The following PIK3AP1 variants were observed in gnomAD, a reference collection of about 807,000 sequenced individuals.
PIK3AP1 encodes phosphoinositide-3-kinase adaptor protein 1.
Under a neutral mutation model 88.1 loss-of-function variants are expected in PIK3AP1, and 21 were observed. The ratio of observed to expected loss-of-function variants is 0.24; its 90% CI spans 0.17 to 0.34. PIK3AP1 has a LOEUF of 0.34. Ranked by LOEUF, PIK3AP1 falls within the 10% of genes least tolerant of loss-of-function variation. The pLI is 1.00. For synonymous variants in PIK3AP1, 398 were observed against 400.0 expected, an observed-to-expected ratio of 1.00 and a Z score of 0.06; for missense variants, 828 against 1,035.7, an observed-to-expected ratio of 0.80 and a Z score of 2.75.
intron 8 of PIK3AP1, among the ~76,000 whole-genome samples, chr10:96,640,548 C>T (rs527954482): frequency 1.6e-4 from 24 of 152,314 alleles, no homozygotes; most frequent in African/African-American, 4.8e-4. Flanking sequence ...AAAACACCCA[C>T]GGACATTTGC....
At chr10:96,632,246 AG>A (rs1843254173) in intron 8 of PIK3AP1, among the ~76,000 whole-genome samples, 1 of 152,224 alleles carries the variant, frequency 6.6e-6, no homozygotes, top group African/African-American at 2.4e-5. Context: ...AATTTGAACA[AG>A]GTCTATAATT....
At chr10:96,612,845 A>G (rs1412282557) in intron 13 of PIK3AP1, among the ~76,000 whole-genome samples, 8 of 150,310 alleles carry the variant, frequency 5.3e-5, no homozygotes, top group Non-Finnish European at 8.8e-5. Context: ...CACACCAGCT[A>G]TTTGCTCTCA....
intron 2 of PIK3AP1, among the ~76,000 whole-genome samples, chr10:96,705,766 A>G (rs1171198417): frequency 1.3e-5 from 2 of 150,904 alleles, no homozygotes; most frequent in Non-Finnish European, 3.0e-5. Context: ...TATTTTTTGT[A>G]GAGACAGGGT....
intron 4 of PIK3AP1, among the ~76,000 whole-genome samples, 191 bp from the exon 5 acceptor site, chr10:96,651,842 G>A (rs552923502): frequency 6.6e-6 from 1 of 152,150 alleles, no homozygotes; most frequent in South Asian, 2.1e-4. Flanking sequence ...CCAGCACATG[G>A]CAGGGCTCTG....
chr10:96,659,625 G>A (rs896918025), intron 2 of PIK3AP1, among the ~76,000 whole-genome samples: 2 of 151,848 alleles, frequency 1.3e-5, no homozygotes, highest in Non-Finnish European at 2.9e-5. Context: ...CACTTTGGGA[G>A]GCTGAGGTGG....
At chr10:96,618,374 G>A (rs1330596222) in intron 12 of PIK3AP1, among the ~76,000 whole-genome samples, 3 of 152,212 alleles carry the variant, frequency 2.0e-5, no homozygotes, top group Non-Finnish European at 4.4e-5. Context: ...GGTACATACA[G>A]GATGATGGTA....
intron 12 of PIK3AP1, among the ~76,000 whole-genome samples, chr10:96,618,156 G>A (rs901911322): frequency 6.6e-6 from 1 of 152,142 alleles, no homozygotes; most frequent in Non-Finnish European, 1.5e-5. Flanking sequence ...ATATAAACCC[G>A]TCGTCTGCTA....
chr10:96,650,177 A>G (rs1475532498), intron 6 of PIK3AP1, among the ~76,000 whole-genome samples: 1 of 152,220 alleles, frequency 6.6e-6, no homozygotes, highest in Admixed American at 6.5e-5. Context: ...AACATTCCAT[A>G]GTAGGAAAAT....
chr10:96,636,252 A>AT (rs1843311230), intron 8 of PIK3AP1, among the ~76,000 whole-genome samples: 1 of 151,884 alleles, frequency 6.6e-6, no homozygotes, highest in African/African-American at 2.4e-5. Context: ...TAATACAAAA[A>AT]TTAAAAAAAA....
rs779318466 is a variant in PIK3AP1 at position 96,613,615 on chromosome 10, A to G, written c.2014+3024T>C. 9.2e-5 allele frequency among the ~76,000 whole-genome samples: 14 copies of G among 152,202 alleles called. No individual in the cohort carries two copies. In the East Asian group the frequency reaches 2.7e-3, roughly 29 times the overall value. ...GGGCTGGAGATGGGCAAACTAAGCC[A>G]TGCTCTTTTGGAAAAATGTAGACAC... On this transcript the variant is annotated intron_variant, in intron 13 of 16. Transcript: ENST00000339364.
At chr10:96,675,568 C>T (rs1243192057) in intron 2 of PIK3AP1, among the ~76,000 whole-genome samples, 1 of 152,168 alleles carries the variant, frequency 6.6e-6, no homozygotes, top group Non-Finnish European at 1.5e-5. Flanking sequence ...TTCTCATGGC[C>T]ACCACATACA....
intron 2 of PIK3AP1, among the ~76,000 whole-genome samples, chr10:96,686,562 T>C (rs1484636855): frequency 6.6e-6 from 1 of 152,116 alleles, no homozygotes; most frequent in Non-Finnish European, 1.5e-5. Context: ...GATACAGATT[T>C]TCCCCCAGCC....
At chr10:96,688,242 C>A (rs1377361978) in intron 2 of PIK3AP1, among the ~76,000 whole-genome samples, 1 of 151,994 alleles carries the variant, frequency 6.6e-6, no homozygotes, top group Admixed American at 6.6e-5. Context: ...TGAGGCCTTG[C>A]AAAAACACAC....
At chr10:96,677,937 G>C (rs1843947959) in intron 2 of PIK3AP1, among the ~76,000 whole-genome samples, 2 of 152,098 alleles carry the variant, frequency 1.3e-5, no homozygotes, top group African/African-American at 4.8e-5. Flanking sequence ...TAGAAGCATA[G>C]CCAATATTAT....
chr10:96,658,830 C>T (rs1843649554), intron 2 of PIK3AP1, among the ~76,000 whole-genome samples: 1 of 152,130 alleles, frequency 6.6e-6, no homozygotes, highest in African/African-American at 2.4e-5. Context: ...GCAAAGGACC[C>T]AGAGTGTTCT....
intron 13 of PIK3AP1, among the ~76,000 whole-genome samples, chr10:96,610,483 G>A (rs1355742326): frequency 1.3e-5 from 2 of 151,660 alleles, no homozygotes; most frequent in African/African-American, 4.8e-5. Context: ...CGGAGTCCAG[G>A]CTCTTAACCA....
At chr10:96,690,641 G>T (rs577040901) in intron 2 of PIK3AP1, among the ~76,000 whole-genome samples, 6 of 152,070 alleles carry the variant, frequency 3.9e-5, no homozygotes, top group East Asian at 1.9e-4. Context: ...TCTTTGTGTC[G>T]CATGATAAGA....
Position 96,648,698 on chromosome 10 carries a change from G to A in PIK3AP1, c.1146C>T (p.His382=), listed in dbSNP as rs769390249. 14 of 1,609,220 alleles carry A rather than the reference G, an allele frequency of 8.7e-6. No homozygotes were observed. Among genetic ancestry groups the A allele is most frequent in the African/African-American group, 2.7e-5 (2 of 74,730 alleles). Residue 382 remains histidine, a synonymous_variant, in exon 7 of 17, where the codon CAC becomes CAT. Transcript: ENST00000339364. ...TGAACTGCCGCAGGTCCCTGAAGCCGTGTTTCTCAGCGATGGTGTTGGGGT... is the reference window on the plus strand; with the variant it reads ...TGAACTGCCGCAGGTCCCTGAAGCCATGTTTCTCAGCGATGGTGTTGGGGT... ...GHYPNTIAEK[H]GFRDLRQFID...
chr10:96,708,386 C>A (rs1160282248), intron 2 of PIK3AP1, among the ~76,000 whole-genome samples: 1 of 151,718 alleles, frequency 6.6e-6, no homozygotes. Context: ...ACCAGCCTGA[C>A]CAACATGGTA....
Sources: gnomAD v4.1 joint callset for allele counts (sites outside exome capture counted in the v4.1 genomes callset) on GRCh38, gnomAD v4.1.1 for gene constraint, MANE v1.5 for transcripts, NCBI Gene and HGNC (gene_info 2026-07-23, HGNC 2026-07-21) for gene names.